Variants in ZNF157 observed in about 807,000 individuals in gnomAD.
The protein encoded by ZNF157 is zinc finger protein 157.
ZNF157 carries 8 observed loss-of-function variants against 9.4 expected under a neutral mutation model. The observed-to-expected ratio is 0.85, with a 90% confidence interval of 0.50 to 1.53. ZNF157 has a LOEUF of 1.53. Ranked by LOEUF, ZNF157 falls within the 40% of genes most tolerant of loss-of-function variation. The probability of loss-of-function intolerance (pLI) is 0.00; values close to 1 mark genes in which losing one functional copy is unlikely to be tolerated. For missense variants in ZNF157, 316 were observed against 385.2 expected (o/e 0.82, Z 1.50); for synonymous variants, 120 against 130.8 (o/e 0.92, Z 0.56).
At chrX:47,374,836 G>A (rs2055839188) in intron 1 of ZNF157, among the ~76,000 whole-genome samples, 1 of 100,803 alleles carries the variant, frequency 9.9e-6, no homozygotes, top group Admixed American at 1.1e-4. Flanking sequence ...AGCCTCCCAA[G>A]TAGCTGGGAT....
intron 1 of ZNF157, chrX:47,392,255 C>G (rs910078392): frequency 6.8e-6 from 1 of 146,107 alleles, no homozygotes; most frequent in African/African-American, 3.1e-5. Flanking sequence ...TTGTCATCTT[C>G]CTAACCTGCA....
intron 1 of ZNF157, among the ~76,000 whole-genome samples, chrX:47,388,967 C>T (rs770360651): frequency 7.3e-5 from 8 of 109,545 alleles, no homozygotes; most frequent in Non-Finnish European, 1.3e-4. Flanking sequence ...AGCACCACCA[C>T]GCCTGGCTAA....
chrX:47,410,481 G>T (rs1193145774), intron 2 of ZNF157, 79 bp downstream of exon 2: 5 of 1,128,144 alleles, frequency 4.4e-6, no homozygotes, highest in Non-Finnish European at 6.0e-6. Flanking sequence ...GCCTTGCGAG[G>T]GTTTAATGAT....
intron 1 of ZNF157, chrX:47,388,550 C>G (rs912252748): frequency 8.9e-6 from 1 of 111,915 alleles, no homozygotes; most frequent in African/African-American, 3.3e-5. Context: ...CTCCTGGCCT[C>G]AAGCACTCCT....
At position 47,413,771 on chromosome X, in the gene ZNF157, T is replaced by A. The variant is rs2055974756; in HGVS notation, c.*177T>A. Reference sequence around the variant, plus strand: ...ATTAGTGGTGTGTGAACATCTTATCTGTTGATTGGCTATTTGGGTTTTTTC... The same window carrying A: ...ATTAGTGGTGTGTGAACATCTTATCAGTTGATTGGCTATTTGGGTTTTTTC... On this transcript the variant is annotated 3_prime_UTR_variant, in exon 4 of 4. Transcript: ENST00000377073. 5.1e-6 allele frequency: 4 copies of A among 780,169 alleles called. No homozygotes were observed. The highest frequency in any genetic ancestry group is 6.8e-6 in the Non-Finnish European group (4 of 588,014). The allele number at this position is 780,169 out of a possible 1,213,427, so 64.3% of individuals were successfully genotyped here. A position where few individuals can be genotyped will look rare whatever the true frequency, so the allele number is the denominator to read the frequency against.
chrX:47,400,716 T>A (rs960564809), intron 1 of ZNF157, among the ~76,000 whole-genome samples: 2 of 111,713 alleles, frequency 1.8e-5, no homozygotes, highest in Non-Finnish European at 3.8e-5. Context: ...AGAGCAGTGG[T>A]GCTATCAGGG....
At position 47,413,746 on chromosome X, in the gene ZNF157, A is replaced by T. The variant is rs1199314755; in HGVS notation, c.*152A>T. 7.5e-6 allele frequency: 7 copies of T among 930,992 alleles called. No individual in the cohort carries two copies. Among genetic ancestry groups the T allele is most frequent in the Non-Finnish European group, 7.0e-6 (5 of 709,840 alleles). The allele number at this position is 930,992 out of a possible 1,213,427, so 76.7% of individuals were successfully genotyped here. ...CATTGTTTTTATTCAGATTTCCCTA[A>T]TTAGTGGTGTGTGAACATCTTATCT... On this transcript the variant is annotated 3_prime_UTR_variant, in exon 4 of 4. Coordinates refer to ENST00000377073, the MANE Select transcript of ZNF157 (RefSeq NM_003446.4).
Position 47,374,998 on chromosome X carries a change from C to CTTTTTTTTTTTT in ZNF157, c.72+4283_72+4294dup, listed in dbSNP as rs769541152. On this transcript the variant is annotated intron_variant, in intron 1 of 3. Coordinates refer to ENST00000377073, the MANE Select transcript of ZNF157 (RefSeq NM_003446.4). The stretch of plus-strand genomic sequence containing the variant: ...GTGAGCCCTGAGCCCGGCTGACAAT[C>CTTTTTTTTTTTT]TTTTTTTTTTTTTTTTTTTTTTTTT... Among the ~76,000 whole-genome samples, 6 of 24,991 alleles carry CTTTTTTTTTTTT rather than the reference C, an allele frequency of 2.4e-4. 2 individuals carry two copies. The highest frequency in any genetic ancestry group is 3.5e-4 in the Non-Finnish European group (5 of 14,375). 21.7% of individuals were successfully genotyped at this position (24,991 alleles called of 115,157 possible). A position where few individuals can be genotyped will look rare whatever the true frequency, so the allele number is the denominator to read the frequency against.
At chrX:47,396,217 G>A (rs1451394827) in intron 1 of ZNF157, among the ~76,000 whole-genome samples, 3 of 110,538 alleles carry the variant, frequency 2.7e-5, no homozygotes, top group Non-Finnish European at 5.7e-5. Context: ...TCCAGCCTGG[G>A]TAACGAAGCA....
intron 1 of ZNF157, among the ~76,000 whole-genome samples, chrX:47,406,476 C>T (rs9698239): frequency 2.7e-5 from 3 of 110,728 alleles, no homozygotes; most frequent in Non-Finnish European, 5.7e-5. Context: ...CCGGTTGAAG[C>T]GATTCTCCTG....
At chrX:47,390,247 C>T (rs2055892844) in intron 1 of ZNF157, 1 of 111,902 alleles carries the variant, frequency 8.9e-6, no homozygotes, top group African/African-American at 3.2e-5. Flanking sequence ...AGTGTCCCCA[C>T]GGGATGAGCA....
intron 1 of ZNF157, among the ~76,000 whole-genome samples, chrX:47,374,108 T>C (rs1162578824): frequency 9.1e-6 from 1 of 110,451 alleles, no homozygotes; most frequent in Non-Finnish European, 1.9e-5. Flanking sequence ...GAAGTGGGGG[T>C]AGTCTTCAGA....
chrX:47,407,492 C>A (rs1418613318), intron 1 of ZNF157, among the ~76,000 whole-genome samples: 2 of 111,591 alleles, frequency 1.8e-5, no homozygotes, highest in African/African-American at 6.5e-5. Flanking sequence ...TTTTAAACCA[C>A]AAGTTCAGTT....
chrX:47,404,484 T>A (rs1048574167), intron 1 of ZNF157, among the ~76,000 whole-genome samples: 3 of 110,246 alleles, frequency 2.7e-5, no homozygotes, highest in African/African-American at 9.9e-5. Flanking sequence ...AGAATCTGTC[T>A]GAAACAAACA....
chrX:47,388,251 T>C (rs957541764), intron 1 of ZNF157, among the ~76,000 whole-genome samples: 6 of 109,368 alleles, frequency 5.5e-5, no homozygotes, highest in Non-Finnish European at 1.1e-4. Flanking sequence ...CACGCCCAGC[T>C]AATTTTTTTG....
chrX:47,410,680 GC>G lies in ZNF157; in HGVS notation c.202del (p.Leu68SerfsTer8), dbSNP rs1253416915. On this transcript the variant is annotated frameshift_variant and splice_region_variant, in exon 3 of 4. Transcript: ENST00000377073. LOFTEE classifies it high-confidence loss of function. ...GTCCTGTGCCATTTCCCATTAACAG[GC>G]CTCTGCGTGGCCAAACCAGAGATGA... ...LETYSNLASV[G>X]LCVAKPEMIF... is the part of the protein sequence containing the mutation. 1 of 1,200,575 alleles carries G rather than the reference GC, an allele frequency of 8.3e-7. No homozygotes were observed. The highest frequency in any genetic ancestry group is 1.1e-6 in the Non-Finnish European group (1 of 890,531).
At chrX:47,405,262 G>A (rs1178211015) in intron 1 of ZNF157, among the ~76,000 whole-genome samples, 2 of 110,656 alleles carry the variant, frequency 1.8e-5, no homozygotes, top group Non-Finnish European at 3.8e-5. Flanking sequence ...GATGGCATGC[G>A]CCTGTAATCC....
At chrX:47,386,435 T>C (rs762099948) in intron 1 of ZNF157, among the ~76,000 whole-genome samples, 177 of 111,484 alleles carry the variant, frequency 1.6e-3, no homozygotes, top group African/African-American at 5.5e-3. Context: ...ACGAGTGTTA[T>C]ATAAATGAAA....
At chrX:47,399,995 CTTTTTTT>C (rs35568461) in intron 1 of ZNF157, among the ~76,000 whole-genome samples, 8 of 72,672 alleles carry the variant, frequency 1.1e-4, no homozygotes, top group African/African-American at 1.3e-4. Flanking sequence ...TTCTCTCTCT[CTTTTTTT>C]TTTTTTTTTT....
Sources: allele counts gnomAD v4.1 joint callset (sites outside exome capture counted in the v4.1 genomes callset), GRCh38; gene constraint gnomAD v4.1.1; transcripts MANE v1.5; gene names NCBI Gene and HGNC (gene_info 2026-07-23, HGNC 2026-07-21).